Variants in NCAPD3 observed in about 807,000 individuals in gnomAD.
NCAPD3 encodes the protein condensin-2 complex subunit D3.
Under a neutral mutation model 182.9 loss-of-function variants are expected in NCAPD3, and 105 were observed. The observed-to-expected ratio is 0.57, with a 90% CI of 0.49 to 0.68. NCAPD3 has a LOEUF of 0.68. NCAPD3 is among the 30% of genes least tolerant of loss of function. The probability of loss-of-function intolerance (pLI) is 0.00; values close to 1 mark genes in which losing one functional copy is unlikely to be tolerated. For missense variants in NCAPD3, 1,944 were observed against 1,837.0 expected (o/e 1.06, Z -1.07); for synonymous variants, 815 against 679.9 (o/e 1.20, Z -3.09).
intron 32 of NCAPD3, among the ~76,000 whole-genome samples, chr11:134,156,291 T>C (rs1688064228): frequency 1.3e-5 from 2 of 152,114 alleles, no homozygotes; most frequent in South Asian, 4.2e-4. Context: ...GGATGCAGCT[T>C]GCTGAGGGCA....
At position 134,158,387 on chromosome 11, in the gene NCAPD3, C is replaced by A. The variant is rs776275021; in HGVS notation, c.3976G>T (p.Ala1326Ser). 6.2e-7 allele frequency: 1 copy of A among 1,614,220 alleles called. No homozygotes were observed. The highest frequency in any genetic ancestry group is 8.5e-7 in the Non-Finnish European group (1 of 1,180,030). ...GTTTCAGGTGTAGGAGATGATACTGCTACATGGCCAGCACTTGCCCTGGGT... is the reference window on the plus strand; with the variant it reads ...GTTTCAGGTGTAGGAGATGATACTGATACATGGCCAGCACTTGCCCTGGGT... The part of the protein sequence containing the change: ...CTPRASAGHV[A>S]VSSPTPETGP... Residue 1326 changes from alanine (A) to serine (S), a missense_variant, in exon 30 of 35, where the codon GCA becomes TCA. By Grantham distance (99) the Ala-to-Ser change is moderately conservative (BLOSUM62 1). Coordinates refer to ENST00000534548, the MANE Select transcript of NCAPD3 (RefSeq NM_015261.3).
chr11:134,168,645 G>T, intron 25 of NCAPD3, 43 bp from the exon 26 acceptor site: 5 of 1,611,364 alleles, frequency 3.1e-6, no homozygotes, highest in Non-Finnish European at 4.2e-6. Context: ...CATGGGCACG[G>T]GTGTAAGGGA....
chr11:134,167,980 G>T lies in NCAPD3; in HGVS notation c.3573+16C>A. The T allele has an allele frequency of 6.2e-7, 1 of 1,611,832 alleles. No homozygotes were observed. Among genetic ancestry groups the T allele is most frequent in the Non-Finnish European group, 8.5e-7 (1 of 1,178,494 alleles). On this transcript the variant is annotated intron_variant, in intron 27 of 34. Transcript: ENST00000534548. ...TCACTTGTGAGAAGATGATCTTAGGGGAGCAACACACTCACTTGTGAGATG... is the reference window on the plus strand; with the variant it reads ...TCACTTGTGAGAAGATGATCTTAGGTGAGCAACACACTCACTTGTGAGATG...
intron 19 of NCAPD3, 66 bp from the exon 20 acceptor site, chr11:134,181,250 A>C: frequency 9.8e-7 from 1 of 1,018,336 alleles, no homozygotes; most frequent in Non-Finnish European, 1.5e-6. Flanking sequence ...ATGAAACACC[A>C]TGTTCTCAGA....
At chr11:134,183,956 C>T (rs891403440) in intron 19 of NCAPD3, among the ~76,000 whole-genome samples, 2 of 152,086 alleles carry the variant, frequency 1.3e-5, no homozygotes, top group Non-Finnish European at 2.9e-5. Context: ...ATTAATAACC[C>T]CAGCTCTACA....
chr11:134,211,886 C>G (rs1245116124), intron 3 of NCAPD3, among the ~76,000 whole-genome samples: 3 of 152,066 alleles, frequency 2.0e-5, no homozygotes, highest in Non-Finnish European at 4.4e-5. Flanking sequence ...TGCAGTCTAA[C>G]ACAGGAGTGA....
chr11:134,208,393 A>C (rs1425414247), intron 7 of NCAPD3, among the ~76,000 whole-genome samples: 1 of 152,262 alleles, frequency 6.6e-6, no homozygotes, highest in Non-Finnish European at 1.5e-5. Context: ...GACAACCTAC[A>C]AAATTTCCAT....
At chr11:134,203,049 C>A in intron 12 of NCAPD3, 93 bp downstream of exon 12, 1 of 1,197,836 alleles carries the variant, frequency 8.3e-7, no homozygotes, top group Non-Finnish European at 1.2e-6. Flanking sequence ...AATGTTAAAG[C>A]AGGTAAATAA....
intron 2 of NCAPD3, among the ~76,000 whole-genome samples, chr11:134,218,367 T>C (rs562765426): frequency 7.2e-5 from 11 of 152,182 alleles, no homozygotes; most frequent in East Asian, 1.9e-4. Context: ...ATTTCTGTCC[T>C]GGCTGCTTCT....
intron 16 of NCAPD3, among the ~76,000 whole-genome samples, chr11:134,187,253 G>A (rs1405462867): frequency 1.3e-5 from 2 of 152,312 alleles, no homozygotes; most frequent in Admixed American, 6.5e-5. Flanking sequence ...TGAGACTCTG[G>A]TCCACCAGTT....
At chr11:134,169,166 T>C in intron 24 of NCAPD3, 112 bp from the exon 25 acceptor site, 1 of 1,043,926 alleles carries the variant, frequency 9.6e-7, no homozygotes, top group Non-Finnish European at 1.3e-6. Flanking sequence ...GCGTAGGGAT[T>C]CAAAATCTAT....
chr11:134,165,796 G>A (rs1219095700), intron 27 of NCAPD3, among the ~76,000 whole-genome samples: 1 of 145,398 alleles, frequency 6.9e-6, no homozygotes, highest in Non-Finnish European at 1.5e-5. Context: ...GAGCTTAGGG[G>A]AGATGCACAC....
chr11:134,168,484 A>C lies in NCAPD3; in HGVS notation c.3358T>G (p.Cys1120Gly). 6.2e-7 allele frequency: 1 copy of C among 1,614,200 alleles called. No homozygotes were observed. Among genetic ancestry groups the C allele is most frequent in the Non-Finnish European group, 8.5e-7 (1 of 1,180,024 alleles). Reference protein sequence around the residue: ...EQRFNITSKICLSILACFADG... With the variant: ...EQRFNITSKIGLSILACFADG... ...CTGGGCTTACCCAAAATACTAAGGC[A>C]GATTTTGGAAGTGATGTTGAATCGC... Residue 1120 changes from cysteine (C) to glycine (G), a missense_variant, in exon 26 of 35, where the codon TGC (cysteine) becomes GGC (glycine). Physicochemically the swap from Cys to Gly is radical, Grantham distance 159. This residue lies in a region of NCAPD3 where 1,803 missense variants were observed against 1,674.6 expected (regional missense o/e 1.08). Transcript: ENST00000534548.
chr11:134,192,332 C>A (rs529643925), intron 16 of NCAPD3, among the ~76,000 whole-genome samples: 2 of 152,302 alleles, frequency 1.3e-5, no homozygotes, highest in African/African-American at 4.8e-5. Flanking sequence ...GTGTTAAAAA[C>A]AGTTTAACTT....
rs1944552322 is a variant in NCAPD3 at position 134,192,814 on chromosome 11, C to T, written c.1920G>A (p.Leu640=). ...GCAGCAGCAGCTGGTCCAGGAACTCCAGGGCCTTCTCCTGCACAGTGCTCT... is the reference window on the plus strand; with the variant it reads ...GCAGCAGCAGCTGGTCCAGGAACTCTAGGGCCTTCTCCTGCACAGTGCTCT... The part of the protein sequence containing the change: ...DCESTVQEKA[L]EFLDQLLLQN... Residue 640 remains leucine, a synonymous_variant, in exon 16 of 35, where the codon CTG becomes CTA. Transcript: ENST00000534548. 6.2e-7 allele frequency: 1 copy of T among 1,614,058 alleles called. No homozygotes were observed. The highest frequency in any genetic ancestry group is 8.5e-7 in the Non-Finnish European group (1 of 1,180,020).
At position 134,166,918 on chromosome 11, in the gene NCAPD3, C is replaced by T. The variant is rs1188738873; in HGVS notation, c.3573+1078G>A. ...GATGAGCTTGGGGGAGGCGCACACT[C>T]GTGAGATGAGCTTAGGGGAGCTGCA... On this transcript the variant is annotated intron_variant, in intron 27 of 34. Transcript: ENST00000534548. 6.3e-5 allele frequency among the ~76,000 whole-genome samples: 8 copies of T among 126,038 alleles called. No homozygotes were observed. In the East Asian group the frequency reaches 1.1e-3, roughly 17 times the overall value. The allele number at this position is 126,038 out of a possible 152,430, so 82.7% of individuals were successfully genotyped here.
chr11:134,177,210 C>A lies in NCAPD3; in HGVS notation c.3021+9G>T, dbSNP rs778817363. On this transcript the variant is annotated intron_variant, in intron 23 of 34. Transcript: ENST00000534548. ...AAGGGGAAAGGACAGATTGAACCCC[C>A]CTACGCACCTGCAAGAGATTGGTAA... 31 of 1,599,534 alleles carry A rather than the reference C, an allele frequency of 1.9e-5. No homozygotes were observed. The highest frequency in any genetic ancestry group is 2.4e-5 in the Non-Finnish European group (28 of 1,166,738).
In NCAPD3 at chr11:134,184,883, A is replaced by C. The variant is rs376146519; in HGVS notation, c.2335+20T>G. 69 of 1,581,246 alleles carry C rather than the reference A, an allele frequency of 4.4e-5. No individual in the cohort carries two copies. In the Middle Eastern group the frequency reaches 2.0e-3, roughly 46 times the overall value. ...GAACAGCAATGCATTTTCACATAAG[A>C]TTCTCCAGCAGACACTCACCAGTCA... On this transcript the variant is annotated intron_variant, in intron 18 of 34. Coordinates refer to ENST00000534548, the MANE Select transcript of NCAPD3 (RefSeq NM_015261.3).
chr11:134,159,161 CTTTT>C (rs1347759119), intron 29 of NCAPD3, among the ~76,000 whole-genome samples: 4 of 152,316 alleles, frequency 2.6e-5, no homozygotes, highest in Admixed American at 2.0e-4. Flanking sequence ...GATTTCCTTT[CTTTT>C]GACTATACAG....
Sources: allele counts gnomAD v4.1 joint callset (sites outside exome capture counted in the v4.1 genomes callset), GRCh38; gene constraint gnomAD v4.1.1; regional missense constraint gnomAD v4.1.1; transcripts MANE v1.5; gene names NCBI Gene and HGNC (gene_info 2026-07-23, HGNC 2026-07-21).